Variants in TRAT1 observed in about 807,000 individuals in gnomAD.
TRAT1 encodes T-cell receptor-associated transmembrane adapter 1.
TRAT1 carries 20 observed loss-of-function variants against 20.0 expected under a neutral mutation model. The observed-to-expected ratio is 1.00, with a 90% CI of 0.70 to 1.45. The LOEUF is 1.45. TRAT1 is among the 40% of genes most tolerant of loss of function. The probability of loss-of-function intolerance (pLI) is 0.00; values close to 1 mark genes in which losing one functional copy is unlikely to be tolerated. For synonymous variants in TRAT1, 77 were observed against 74.2 expected (o/e 1.04, Z -0.20); for missense variants, 237 against 224.1 (o/e 1.06, Z -0.37).
At chr3:108,837,465 C>T (rs981595368) in intron 2 of TRAT1, among the ~76,000 whole-genome samples, 5 of 152,120 alleles carry the variant, frequency 3.3e-5, no homozygotes, top group Non-Finnish European at 5.9e-5. Context: ...AGTTAATAAC[C>T]TCTCTGGAGA....
intron 3 of TRAT1, among the ~76,000 whole-genome samples, chr3:108,839,665 A>T (rs1224824552): frequency 6.6e-6 from 1 of 151,290 alleles, no homozygotes; most frequent in South Asian, 2.1e-4. Flanking sequence ...AAAAAAAAAG[A>T]TGTGTATACA....
intron 2 of TRAT1, among the ~76,000 whole-genome samples, chr3:108,838,450 G>A (rs773592251): frequency 4.6e-5 from 7 of 151,890 alleles, no homozygotes; most frequent in Non-Finnish European, 8.8e-5. Context: ...TTCGTTTTTG[G>A]TAACAAAGAA....
At chr3:108,832,080 A>C (rs1242025241) in intron 2 of TRAT1, among the ~76,000 whole-genome samples, 1 of 152,212 alleles carries the variant, frequency 6.6e-6, no homozygotes, top group Non-Finnish European at 1.5e-5. Context: ...CGATAATACT[A>C]ATATAAAATA....
intron 1 of TRAT1, among the ~76,000 whole-genome samples, chr3:108,824,605 T>C (rs923328882): frequency 2.6e-5 from 4 of 152,242 alleles, no homozygotes; most frequent in Non-Finnish European, 5.9e-5. Context: ...AAAGATTGCA[T>C]ATATTATAAT....
At chr3:108,838,989 G>A (rs757536561) in intron 3 of TRAT1, 22 bp downstream of exon 3, 1 of 1,577,592 alleles carries the variant, frequency 6.3e-7, no homozygotes, top group Non-Finnish European at 8.7e-7. Context: ...TTCAGTCATG[G>A]ATCATGATTC....
chr3:108,830,094 A>C (rs1175485305), intron 1 of TRAT1, among the ~76,000 whole-genome samples: 1 of 152,030 alleles, frequency 6.6e-6, no homozygotes, highest in Admixed American at 6.6e-5. Flanking sequence ...GTGTAGGCCT[A>C]GGGGAAAGAG....
At chr3:108,839,676 C>T (rs546502178) in intron 3 of TRAT1, among the ~76,000 whole-genome samples, 18 of 150,946 alleles carry the variant, frequency 1.2e-4, no homozygotes, top group African/African-American at 3.4e-4. Flanking sequence ...TGTGTATACA[C>T]ATAGATATAC....
intron 2 of TRAT1, among the ~76,000 whole-genome samples, 192 bp from the exon 3 acceptor site, chr3:108,838,742 A>G (rs919833229): frequency 6.6e-6 from 1 of 152,170 alleles, no homozygotes; most frequent in Non-Finnish European, 1.5e-5. Context: ...TTTCTTGGTA[A>G]TTTGGTAAAA....
At chr3:108,824,443 T>C (rs1249636480) in intron 1 of TRAT1, among the ~76,000 whole-genome samples, 4 of 152,232 alleles carry the variant, frequency 2.6e-5, no homozygotes, top group Non-Finnish European at 4.4e-5. Flanking sequence ...CATTGTTCAA[T>C]ATGCATTACT....
chr3:108,840,858 C>G (rs754843795), intron 3 of TRAT1, among the ~76,000 whole-genome samples: 9 of 152,220 alleles, frequency 5.9e-5, no homozygotes, highest in Non-Finnish European at 1.3e-4. Context: ...GAGATAGTTC[C>G]CCAAGCCTCA....
chr3:108,847,096 C>T lies in TRAT1; in HGVS notation c.181C>T (p.Pro61Ser), dbSNP rs1445462382. ...RVDEYYIEDTPIYGNLDDMIS... is the reference protein window; with the variant it reads ...RVDEYYIEDTSIYGNLDDMIS... The stretch of plus-strand genomic sequence containing the variant: ...TGATGAGTATTATATTGAAGACACA[C>T]CAATTTATGGTAACTTAGATGATAT... The change falls in exon 4 of 6, where the codon CCA becomes TCA. Residue 61 changes from proline (P) to serine (S), a missense_variant. Transcript: ENST00000295756. The T allele has an allele frequency of 1.9e-6, 3 of 1,542,490 alleles. No homozygotes were observed. Among genetic ancestry groups the T allele is most frequent in the Non-Finnish European group, 2.7e-6 (3 of 1,125,094 alleles).
chr3:108,833,371 T>C lies in TRAT1; in HGVS notation c.118+2591T>C, dbSNP rs190794797. On this transcript the variant is annotated intron_variant, in intron 2 of 5. Coordinates refer to ENST00000295756, the MANE Select transcript of TRAT1 (RefSeq NM_016388.4). ...AGGCAGAGGTTGCCATGAGCTGAAA[T>C]AGCGCCACTGCACTCCAGCCTGGGT... Among the ~76,000 whole-genome samples, 5 of 152,140 alleles carry C rather than the reference T, an allele frequency of 3.3e-5. No homozygotes were observed. In the East Asian group the frequency reaches 9.7e-4, roughly 29 times the overall value.
intron 2 of TRAT1, among the ~76,000 whole-genome samples, chr3:108,838,498 A>G (rs1315572528): frequency 2.0e-5 from 3 of 152,198 alleles, no homozygotes; most frequent in African/African-American, 4.8e-5. Flanking sequence ...ATAAAAACTT[A>G]TAAGAATGCA....
At chr3:108,827,930 T>C (rs1945756584) in intron 1 of TRAT1, among the ~76,000 whole-genome samples, 2 of 152,196 alleles carry the variant, frequency 1.3e-5, no homozygotes, top group African/African-American at 4.8e-5. Context: ...TGATATTGAT[T>C]AGGTTGTTTC....
Position 108,838,346 on chromosome 3 carries a change from TATA to T in TRAT1, c.119-587_119-585del, listed in dbSNP as rs1310752864. On this transcript the variant is annotated intron_variant, in intron 2 of 5. Transcript: ENST00000295756. ...GATAGATAGATAGATAGATGATAGA[TATA>T]GATAGATGATAGATAGATAGATAGA... is the stretch of plus-strand genomic sequence containing the variant. 4.3e-3 allele frequency among the ~76,000 whole-genome samples: 618 copies of T among 143,384 alleles called. 9 individuals carry two copies. Among genetic ancestry groups the T allele is most frequent in the African/African-American group, 0.016 (589 of 36,256 alleles). 94.1% of individuals were successfully genotyped at this position (143,384 alleles called of 152,430 possible).
intron 1 of TRAT1, among the ~76,000 whole-genome samples, chr3:108,829,860 T>C (rs1366468113): frequency 2.0e-5 from 3 of 152,178 alleles, no homozygotes; most frequent in African/African-American, 4.8e-5. Flanking sequence ...ATATTAGTGG[T>C]TTATGTATTT....
At chr3:108,848,453 C>T (rs534769466) in intron 4 of TRAT1, among the ~76,000 whole-genome samples, 1 of 152,318 alleles carries the variant, frequency 6.6e-6, no homozygotes, top group South Asian at 2.1e-4. Flanking sequence ...TGAGTCACTA[C>T]TTCACTTTCT....
At chr3:108,837,570 C>G (rs1440895617) in intron 2 of TRAT1, among the ~76,000 whole-genome samples, 2 of 152,144 alleles carry the variant, frequency 1.3e-5, no homozygotes, top group African/African-American at 4.8e-5. Flanking sequence ...TTGCTAGTTC[C>G]TTACTAATAT....
chr3:108,851,017 C>T (rs1945993399), intron 5 of TRAT1, among the ~76,000 whole-genome samples: 1 of 152,100 alleles, frequency 6.6e-6, no homozygotes, highest in Non-Finnish European at 1.5e-5. Context: ...TTAGTCTTTT[C>T]TATTATACTA....
Sources: gnomAD v4.1 joint callset for allele counts (sites outside exome capture counted in the v4.1 genomes callset) on GRCh38, gnomAD v4.1.1 for gene constraint, MANE v1.5 for transcripts, NCBI Gene and HGNC (gene_info 2026-07-23, HGNC 2026-07-21) for gene names.